COL2A1: variants seen among roughly 807,000 people sequenced by gnomAD.
COL2A1 encodes collagen type II alpha 1 chain.
Under a neutral mutation model 204.5 loss-of-function variants are expected in COL2A1, and 28 were observed. The observed-to-expected ratio is 0.14, with a 90% confidence interval of 0.10 to 0.19. The LOEUF (loss-of-function observed/expected upper bound fraction) is 0.19, where lower values mean the gene tolerates loss of function less well. Ranked by LOEUF, COL2A1 falls within the 10% of genes least tolerant of loss-of-function variation. The pLI, the probability that COL2A1 is intolerant of heterozygous loss-of-function variation, is 1.00. For missense variants in COL2A1, 1,388 were observed against 2,027.5 expected (o/e 0.68, Z 6.06); for synonymous variants, 708 against 718.7 (o/e 0.99, Z 0.24).
At chr12:47,992,176 G>C (rs776732868) in intron 16 of COL2A1, among the ~76,000 whole-genome samples, 1 of 152,054 alleles carries the variant, frequency 6.6e-6, no homozygotes, top group Non-Finnish European at 1.5e-5. Flanking sequence ...AGAGCTAAAC[G>C]CCTCTGTCTG....
At chr12:47,998,308 C>T in intron 3 of COL2A1, 107 bp from the exon 4 acceptor site, 1 of 1,542,260 alleles carries the variant, frequency 6.5e-7, no homozygotes, top group Non-Finnish European at 9.0e-7. Context: ...AAACAGATAT[C>T]TTCTGATGTC....
At chr12:47,994,589 ACT>A (rs1006859095) in intron 11 of COL2A1, 112 bp from the exon 12 acceptor site, 2 of 1,104,048 alleles carry the variant, frequency 1.8e-6, no homozygotes, top group African/African-American at 3.1e-5. Context: ...CTACCGGCTC[ACT>A]CATCTCCCTC....
chr12:47,982,958 A>C lies in COL2A1; in HGVS notation c.2095-12T>G. The C allele has an allele frequency of 6.2e-7, 1 of 1,613,514 alleles. No homozygotes were observed. Among genetic ancestry groups the C allele is most frequent in the Non-Finnish European group, 8.5e-7 (1 of 1,179,772 alleles). Reference sequence around the variant, plus strand: ...AAACCTCGTTCACCCTGCGGCAGAGACACCAAGAAGTGATCAACCAACAGC... The same window carrying C: ...AAACCTCGTTCACCCTGCGGCAGAGCCACCAAGAAGTGATCAACCAACAGC... On this transcript the variant is annotated splice_polypyrimidine_tract_variant and intron_variant, in intron 32 of 53. Coordinates refer to ENST00000380518, the MANE Select transcript of COL2A1 (RefSeq NM_001844.5).
At chr12:47,989,717 T>TA (rs752533767) in intron 17 of COL2A1, 44 bp downstream of exon 17, 84 of 1,598,394 alleles carry the variant, frequency 5.3e-5, no homozygotes, top group Non-Finnish European at 6.7e-5. Context: ...TAACGGGACT[T>TA]AAAGCACAGC....
chr12:47,997,893 T>G lies in COL2A1; in HGVS notation c.407A>C (p.Asp136Ala). 6.2e-7 allele frequency: 1 copy of G among 1,614,120 alleles called. No individual in the cohort carries two copies. The highest frequency in any genetic ancestry group is 8.5e-7 in the Non-Finnish European group (1 of 1,180,036). ...GPAGEQGPRG[D>A]RGDKGEKGAP... ...CACTTTTTCACCTTTGTCACCACGA[T>G]CCCCTCTGGGTCCTTGTTCCCCTGC... Residue 136 changes from aspartate (D) to alanine (A), a missense_variant, in exon 6 of 54, where the codon GAT (aspartate) becomes GCT (alanine). Around this residue, in one of 3 missense-constraint regions of COL2A1, gnomAD observed 201 missense variants for 242.4 expected, o/e 0.83. Coordinates refer to ENST00000380518, the MANE Select transcript of COL2A1 (RefSeq NM_001844.5).
intron 37 of COL2A1, 143 bp from the exon 38 acceptor site, chr12:47,981,111 G>T: frequency 3.2e-6 from 3 of 942,632 alleles, no homozygotes; most frequent in Non-Finnish European, 4.8e-6. Flanking sequence ...CTGAACGCAG[G>T]CAGAGGCTCT....
Position 47,975,950 on chromosome 12 carries a change from T to G in COL2A1, c.3597+13A>C. ...GGACACCTCGACAGCAGGGAAGGAG[T>G]CAGGACACTTACAGCAGGGCCGGTT... On this transcript the variant is annotated intron_variant, in intron 50 of 53. Coordinates refer to ENST00000380518, the MANE Select transcript of COL2A1 (RefSeq NM_001844.5). 1 of 1,598,898 alleles carries G rather than the reference T, an allele frequency of 6.3e-7. No individual in the cohort carries two copies.
At chr12:47,985,458 A>G (rs558558895) in intron 26 of COL2A1, 76 bp downstream of exon 26, 1 of 1,497,316 alleles carries the variant, frequency 6.7e-7, no homozygotes, top group African/African-American at 1.4e-5. Flanking sequence ...CCTAACCCAA[A>G]CTCCATCTCT....
At chr12:47,984,224 G>C in intron 28 of COL2A1, 84 bp from the exon 29 acceptor site, 2 of 1,323,242 alleles carry the variant, frequency 1.5e-6, no homozygotes, top group Non-Finnish European at 2.1e-6. Flanking sequence ...AGGTACTTCT[G>C]GCCCAGAGTT....
In COL2A1 at chr12:47,974,623, AAG is replaced by A. The variant is rs41272763; in HGVS notation, c.4074+50_4074+51del. On this transcript the variant is annotated intron_variant, in intron 52 of 53. Transcript: ENST00000380518. ...AAAGCTTCCAGGGAGAAAGAAAAGA[AAG>A]AGTTTGAGGAGCCATCTCTGCTCAT... 0.068 allele frequency: 107,975 copies of A among 1,588,440 alleles called. 4,249 individuals carry two copies. The highest frequency in any genetic ancestry group is 0.08 in the Non-Finnish European group (92,144 of 1,157,334).
chr12:47,999,953 G>A lies in COL2A1; in HGVS notation c.258C>T (p.Cys86=). ...LSPEIPFGEC[C]PICPTDLATA... is the part of the protein sequence containing the mutation. ...TGGCGAGGTCAGTTGGGCAGATGGG[G>A]CAGCACTCTCCGAAGGGGATCTCAG... Residue 86 remains cysteine (C), a synonymous_variant, in exon 2 of 54, where the codon TGC becomes TGT. Transcript: ENST00000380518. 1.2e-6 allele frequency: 2 copies of A among 1,614,204 alleles called. No homozygotes were observed. The highest frequency in any genetic ancestry group is 2.2e-5 in the East Asian group (1 of 44,890).
At chr12:47,973,631 T>C in intron 53 of COL2A1, 78 bp from the exon 54 acceptor site, 4 of 1,552,304 alleles carry the variant, frequency 2.6e-6, no homozygotes, top group Non-Finnish European at 3.6e-6. Flanking sequence ...AGCCCAAAAC[T>C]GAACAAACTG....
In COL2A1 at chr12:47,980,228, A is replaced by G. The variant is rs57444859; in HGVS notation, c.2626-166T>C. 0.071 allele frequency among the ~76,000 whole-genome samples: 10,761 copies of G among 152,256 alleles called. 471 individuals carry two copies. Among genetic ancestry groups the G allele is most frequent in the African/African-American group, 0.1 (4,157 of 41,540 alleles). ...CACAGGCAGCTCTGTCCCCTCTGCC[A>G]CAGGAGACTTGTGTTCTAGGAGAAG... On this transcript the variant is annotated intron_variant, in intron 39 of 53. Transcript: ENST00000380518. This position sits in a 1 kb window ranked among gnomAD's most constrained non-coding sequence, Gnocchi z 4.5.
chr12:47,975,506 G>A lies in COL2A1; in HGVS notation c.3697C>T (p.Pro1233Ser). The A allele has an allele frequency of 6.2e-7, 1 of 1,612,324 alleles. No individual in the cohort carries two copies. Among genetic ancestry groups the A allele is most frequent in the Non-Finnish European group, 8.5e-7 (1 of 1,179,994 alleles). ...FAGLGPREKGPDPLQYMRADQ... is the reference protein window; with the variant it reads ...FAGLGPREKGSDPLQYMRADQ... ...GCCCGCATGTACTGCAGGGGGTCGG[G>A]GCCCTTCTCTCTCGGGCCTAAGCCA... The change falls in exon 51 of 54, where the codon CCC (proline) becomes TCC (serine). Residue 1233 changes from proline to serine, a missense_variant. Physicochemically the swap from Pro to Ser is moderately conservative, Grantham distance 74. Around this residue, in one of 3 missense-constraint regions of COL2A1, gnomAD observed 303 missense variants for 369.2 expected, o/e 0.82. Transcript: ENST00000380518.
intron 1 of COL2A1, among the ~76,000 whole-genome samples, chr12:48,002,297 A>T (rs928024591): frequency 3.9e-5 from 6 of 152,186 alleles, no homozygotes; most frequent in African/African-American, 1.4e-4. Context: ...CGCCGCCGCC[A>T]GTAAGTTTCT....
chr12:47,989,167 T>C, intron 18 of COL2A1, 61 bp downstream of exon 18: 1 of 1,422,028 alleles, frequency 7.0e-7, no homozygotes, highest in Non-Finnish European at 9.8e-7. Flanking sequence ...GAGCAAGGGT[T>C]ACGGGGAAAG....
Position 47,997,907 on chromosome 12 carries a change from T to G in COL2A1, c.393A>C (p.Gln131His). ...PPGPQGPAGE[Q>H]GPRGDRGDKG... ...TGTCACCACGATCCCCTCTGGGTCC[T>G]TGTTCCCCTGCAGGTCCCTGAAGGT... The change falls in exon 6 of 54, where the codon CAA becomes CAC. Residue 131 changes from glutamine (Q) to histidine (H), a missense_variant. Gln to His is a conservative substitution (Grantham distance 24). Around this residue, in one of 3 missense-constraint regions of COL2A1, gnomAD observed 201 missense variants for 242.4 expected, o/e 0.83. Coordinates refer to ENST00000380518, the MANE Select transcript of COL2A1 (RefSeq NM_001844.5). 6.2e-7 allele frequency: 1 copy of G among 1,614,142 alleles called. No homozygotes were observed. The highest frequency in any genetic ancestry group is 8.5e-7 in the Non-Finnish European group (1 of 1,180,038).
At position 47,973,551 on chromosome 12, in the gene COL2A1, T is replaced by A. The variant is rs766537396; in HGVS notation, c.4320A>T (p.Lys1440Asn). 5 of 1,613,910 alleles carry A rather than the reference T, an allele frequency of 3.1e-6. No homozygotes were observed. The Admixed American group carries it at 8.3e-5, about 27-fold the overall frequency. ...CAGTCTTGCCCCACTTACCGGTATG[T>A]TTCTAGGGGAGAAAAAAGGAGGAGG... ...TYTALKDGCT[K>N]HTGKWGKTVI... Residue 1440 changes from lysine (K) to asparagine (N), a missense_variant and splice_region_variant, in exon 54 of 54, where the codon AAA becomes AAT. Transcript: ENST00000380518.
At chr12:47,990,339 T>C (rs1793923) in intron 16 of COL2A1, among the ~76,000 whole-genome samples, 75,206 of 152,128 alleles carry the variant, frequency 0.49, 18,928 homozygotes, top group East Asian at 0.58. Context: ...TAAATCATTT[T>C]CTCTTTTCTT....
Sources: allele counts gnomAD v4.1 joint callset (sites outside exome capture counted in the v4.1 genomes callset), GRCh38; gene constraint gnomAD v4.1.1; regional missense constraint gnomAD v4.1.1; non-coding constraint Gnocchi (gnomAD v3.1); transcripts MANE v1.5; gene names NCBI Gene and HGNC (gene_info 2026-07-23, HGNC 2026-07-21).